Variants in KHDRBS2 observed in about 807,000 individuals in gnomAD.
KHDRBS2 encodes KH RNA binding domain containing, signal transduction associated 2, also known as KH domain-containing, RNA-binding, signal transduction-associated protein 2.
In KHDRBS2, 26 loss-of-function variants were observed where a neutral mutation model predicts 44.3. The observed-to-expected ratio is 0.59, with a 90% confidence interval of 0.43 to 0.81. The LOEUF is 0.81. KHDRBS2 is among the 40% of genes least tolerant of loss of function. The probability of loss-of-function intolerance (pLI) is 0.00; values close to 1 mark genes in which losing one functional copy is unlikely to be tolerated. For synonymous variants in KHDRBS2, 194 were observed against 151.1 expected (o/e 1.28, Z -2.08); for missense variants, 476 against 433.1 (o/e 1.10, Z -0.88).
chr6:62,016,609 T>C (rs987663869), intron 3 of KHDRBS2, among the ~76,000 whole-genome samples: 5 of 149,076 alleles, frequency 3.4e-5, no homozygotes, highest in African/African-American at 7.3e-5. Flanking sequence ...GTAGTACACA[T>C]AGGTATAATA....
chr6:62,073,470 G>A (rs1477305214), intron 2 of KHDRBS2, among the ~76,000 whole-genome samples: 1 of 147,690 alleles, frequency 6.8e-6, no homozygotes, highest in Non-Finnish European at 1.5e-5. Context: ...CTAATTGTTT[G>A]CTAATTTTGC....
chr6:61,800,433 C>T (rs1786072544), intron 6 of KHDRBS2, among the ~76,000 whole-genome samples: 1 of 152,102 alleles, frequency 6.6e-6, no homozygotes, highest in African/African-American at 2.4e-5. Context: ...TTCTTCCACA[C>T]AAACTGCAAA....
chr6:61,879,722 T>C (rs1432118635), intron 6 of KHDRBS2, among the ~76,000 whole-genome samples: 1 of 151,906 alleles, frequency 6.6e-6, no homozygotes, highest in Non-Finnish European at 1.5e-5. Flanking sequence ...ATGTACTATA[T>C]AAATTTAGGA....
intron 4 of KHDRBS2, among the ~76,000 whole-genome samples, chr6:61,928,358 A>C (rs1448293431): frequency 6.6e-6 from 1 of 152,080 alleles, no homozygotes; most frequent in African/African-American, 2.4e-5. Flanking sequence ...CCTTCTTCTT[A>C]TTTACAACTT....
Position 61,728,244 on chromosome 6 carries a change from C to T in KHDRBS2, c.893+4438G>A, listed in dbSNP as rs200710036. Among the ~76,000 whole-genome samples the T allele has an allele frequency of 4.6e-5, 7 of 151,874 alleles. No individual in the cohort carries two copies. The East Asian group carries it at 1.4e-3, about 30-fold the overall frequency. On this transcript the variant is annotated intron_variant, in intron 7 of 8. Coordinates refer to ENST00000281156, the MANE Select transcript of KHDRBS2 (RefSeq NM_152688.4). ...TTAACGGGGAGCTAAATGATGAGAA[C>T]ACAGGGACACACAGGGGGAGCAAGA...
chr6:62,103,296 C>G (rs781489375), intron 2 of KHDRBS2, among the ~76,000 whole-genome samples: 1 of 152,118 alleles, frequency 6.6e-6, no homozygotes, highest in Non-Finnish European at 1.5e-5. Context: ...TGCTGGGCCC[C>G]GGTTGTCCAC....
chr6:61,622,870 G>A, the KHDRBS2 span, among the ~76,000 whole-genome samples: 1 of 152,160 alleles, frequency 6.6e-6, no homozygotes, highest in Admixed American at 6.5e-5. Context: ...CAGGGCTGAT[G>A]GTCAGATAAG....
intron 8 of KHDRBS2, among the ~76,000 whole-genome samples, chr6:61,689,936 G>T (rs1233004234): frequency 2.0e-5 from 3 of 151,858 alleles, no homozygotes. Flanking sequence ...CAAACTCCTT[G>T]GTGGTGGTGA....
intron 6 of KHDRBS2, among the ~76,000 whole-genome samples, chr6:61,736,823 C>T (rs185383885): frequency 6.6e-6 from 1 of 152,064 alleles, no homozygotes; most frequent in African/African-American, 2.4e-5. Flanking sequence ...CCCTTAGTTC[C>T]CCGAATTCCA....
chr6:61,737,693 C>T (rs554559830), intron 6 of KHDRBS2, among the ~76,000 whole-genome samples: 1 of 152,126 alleles, frequency 6.6e-6, no homozygotes, highest in Non-Finnish European at 1.5e-5. Flanking sequence ...GGAGAGACAA[C>T]CGCAGAGCCA....
intron 1 of KHDRBS2, among the ~76,000 whole-genome samples, chr6:62,214,074 C>A (rs1431286289): frequency 6.6e-6 from 1 of 151,942 alleles, no homozygotes. Flanking sequence ...ACAGCTTTAT[C>A]TTCTATCTCT....
At chr6:62,067,977 G>A (rs1337747091) in intron 2 of KHDRBS2, among the ~76,000 whole-genome samples, 1 of 151,516 alleles carries the variant, frequency 6.6e-6, no homozygotes, top group Non-Finnish European at 1.5e-5. Flanking sequence ...TCCACATTGT[G>A]GCTATTATAA....
At chr6:61,624,129 T>A in the KHDRBS2 span, among the ~76,000 whole-genome samples, 10 of 152,326 alleles carry the variant, frequency 6.6e-5, no homozygotes, top group African/African-American at 2.4e-4. Flanking sequence ...TTGTATCATA[T>A]GTCAATGCCA....
intron 2 of KHDRBS2, among the ~76,000 whole-genome samples, chr6:62,146,873 T>C (rs141203642): frequency 1.1e-4 from 17 of 152,052 alleles, no homozygotes; most frequent in African/African-American, 4.1e-4. Context: ...TTTTGCATTA[T>C]GATGTGAGCA....
chr6:61,934,770 T>C (rs1415967629), intron 4 of KHDRBS2, among the ~76,000 whole-genome samples: 1 of 152,138 alleles, frequency 6.6e-6, no homozygotes, highest in African/African-American at 2.4e-5. Context: ...GAACTTGCAG[T>C]TTAAGAATTC....
the KHDRBS2 span, among the ~76,000 whole-genome samples, chr6:61,604,936 C>T: frequency 6.6e-6 from 1 of 152,076 alleles, no homozygotes; most frequent in African/African-American, 2.4e-5. Context: ...CTTTATTAGT[C>T]AAATCACCCA....
intron 6 of KHDRBS2, among the ~76,000 whole-genome samples, chr6:61,762,267 T>C (rs1035992928): frequency 4.6e-5 from 7 of 152,186 alleles, no homozygotes; most frequent in African/African-American, 1.7e-4. Context: ...TACTTTTTCC[T>C]CCCCAGTTTT....
At position 62,278,424 on chromosome 6, in the gene KHDRBS2, G is replaced by A. The variant is rs1841316747; in HGVS notation, c.91+7434C>T. On this transcript the variant is annotated intron_variant, in intron 1 of 8. Transcript: ENST00000281156. ...ATGATCAGTTATGTTCCCATTCTCAGGTACCAGGCCATAAAAAAACCTTAA... is the reference window on the plus strand; with the variant it reads ...ATGATCAGTTATGTTCCCATTCTCAAGTACCAGGCCATAAAAAAACCTTAA... 2.6e-5 allele frequency among the ~76,000 whole-genome samples: 4 copies of A among 151,944 alleles called. 1 individual carries two copies. The South Asian group carries it at 8.3e-4, about 32-fold the overall frequency.
chr6:61,710,796 CTT>C (rs34892850), intron 7 of KHDRBS2, among the ~76,000 whole-genome samples: 24 of 116,370 alleles, frequency 2.1e-4, no homozygotes, highest in African/African-American at 1.9e-4. Context: ...TACCTGAGCT[CTT>C]TTTTTTTTTT....
Sources: gnomAD v4.1 joint callset for allele counts (sites outside exome capture counted in the v4.1 genomes callset) on GRCh38, gnomAD v4.1.1 for gene constraint, MANE v1.5 for transcripts, NCBI Gene and HGNC (gene_info 2026-07-23, HGNC 2026-07-21) for gene names.